The following PLD5 variants were observed in gnomAD, a reference collection of about 807,000 sequenced individuals.
The protein encoded by PLD5 is phospholipase D family member 5, also known as inactive phospholipase D5.
PLD5 carries 36 observed loss-of-function variants against 61.1 expected under a neutral mutation model. The ratio of observed to expected loss-of-function variants is 0.59; its 90% confidence interval spans 0.45 to 0.78. PLD5 has a LOEUF of 0.78. Among genes scored for constraint, PLD5 ranks in the 30% least tolerant of loss-of-function variants. The probability of loss-of-function intolerance (pLI) is 0.00; values close to 1 mark genes in which losing one functional copy is unlikely to be tolerated. For synonymous variants in PLD5, 243 were observed against 242.8 expected, an observed-to-expected ratio of 1.00 and a Z score of -0.01; for missense variants, 515 against 644.4, an observed-to-expected ratio of 0.80 and a Z score of 2.17.
intron 3 of PLD5, among the ~76,000 whole-genome samples, chr1:242,282,831 G>A (rs560329214): frequency 6.6e-6 from 1 of 152,260 alleles, no homozygotes; most frequent in Non-Finnish European, 1.5e-5. Context: ...TTTTAGGGTG[G>A]CAACTCATCA....
chr1:242,346,904 G>A (rs1660170066), intron 2 of PLD5, among the ~76,000 whole-genome samples: 1 of 152,186 alleles, frequency 6.6e-6, no homozygotes, highest in Non-Finnish European at 1.5e-5. Flanking sequence ...AGAACATGCA[G>A]TATTTGGTTT....
chr1:242,162,613 T>C (rs940390791), intron 5 of PLD5, among the ~76,000 whole-genome samples: 2 of 152,130 alleles, frequency 1.3e-5, no homozygotes, highest in African/African-American at 4.8e-5. Flanking sequence ...TCTTAGTGAT[T>C]GTCTACGCAG....
intron 1 of PLD5, among the ~76,000 whole-genome samples, chr1:242,355,161 CCT>C (rs1558491585): frequency 6.6e-6 from 1 of 152,100 alleles, no homozygotes; most frequent in East Asian, 1.9e-4. Context: ...AGTATTCTTT[CCT>C]CTGTGATTTT....
chr1:242,200,782 A>G (rs553168428), intron 5 of PLD5, among the ~76,000 whole-genome samples: 12 of 152,356 alleles, frequency 7.9e-5, no homozygotes, highest in African/African-American at 2.9e-4. Flanking sequence ...CCTGTCCTGC[A>G]TCTCACGCAG....
At position 242,089,268 on chromosome 1, in the gene PLD5, G is replaced by C. The variant is rs994788474; in HGVS notation, c.*586C>G. 1 of 398,800 alleles carries C rather than the reference G, an allele frequency of 2.5e-6. No homozygotes were observed. Among genetic ancestry groups the C allele is most frequent in the African/African-American group, 2.1e-5 (1 of 48,610 alleles). 24.7% of individuals were successfully genotyped at this position (398,800 alleles called of 1,614,324 possible). On this transcript the variant is annotated 3_prime_UTR_variant, in exon 10 of 10. Coordinates refer to ENST00000536534, the MANE Select transcript of PLD5 (RefSeq NM_001372062.1). ...ATATAATAGGAACATTTTGTGAGAA[G>C]AGAAAATGATACCAAATAAAACTTA... is the stretch of plus-strand genomic sequence containing the variant.
At chr1:242,502,673 G>A (rs549243389) in intron 1 of PLD5, among the ~76,000 whole-genome samples, 6 of 151,846 alleles carry the variant, frequency 4.0e-5, no homozygotes, top group South Asian at 2.1e-4. Flanking sequence ...GTGTATGTGC[G>A]TGTGTGTGTG....
chr1:242,512,481 C>A (rs572677437), intron 1 of PLD5, among the ~76,000 whole-genome samples: 1 of 151,766 alleles, frequency 6.6e-6, no homozygotes, highest in African/African-American at 2.4e-5. Flanking sequence ...AGTGTCTTAC[C>A]GTCTCTGATC....
At chr1:242,312,853 C>G (rs1415534416) in intron 2 of PLD5, among the ~76,000 whole-genome samples, 1 of 152,170 alleles carries the variant, frequency 6.6e-6, no homozygotes, top group Admixed American at 6.5e-5. Flanking sequence ...GTGGATTTTT[C>G]TTAGTTGGGT....
chr1:242,084,762 T>G lies in PLD5; in HGVS notation c.*5092A>C, dbSNP rs990864620. 4 of 146,530 alleles carry G rather than the reference T, an allele frequency of 2.7e-5. No individual in the cohort carries two copies. Among genetic ancestry groups the G allele is most frequent in the African/African-American group, 1.0e-4 (4 of 39,504 alleles). 9.1% of individuals were successfully genotyped at this position (146,530 alleles called of 1,614,324 possible). On this transcript the variant is annotated 3_prime_UTR_variant, in exon 10 of 10. Coordinates refer to ENST00000536534, the MANE Select transcript of PLD5 (RefSeq NM_001372062.1). ...ATTTATTGGAAAGGTTTTTTTTTTTTTTTTTTTTTTTTTTTTAGAGAAAGA... is the reference window on the plus strand; with the variant it reads ...ATTTATTGGAAAGGTTTTTTTTTTTGTTTTTTTTTTTTTTTTAGAGAAAGA...
intron 3 of PLD5, among the ~76,000 whole-genome samples, chr1:242,273,040 T>G (rs567163877): frequency 6.6e-6 from 1 of 152,290 alleles, no homozygotes; most frequent in East Asian, 1.9e-4. Flanking sequence ...AAGGCCGGCA[T>G]GCATTAGGTA....
intron 5 of PLD5, among the ~76,000 whole-genome samples, chr1:242,165,933 A>G (rs886820218): frequency 2.6e-5 from 4 of 152,122 alleles, no homozygotes; most frequent in African/African-American, 4.8e-5. Context: ...TGCATTCTCC[A>G]TCTCTGCCTG....
intron 1 of PLD5, among the ~76,000 whole-genome samples, chr1:242,426,373 A>G (rs1665427625): frequency 1.3e-5 from 2 of 152,164 alleles, no homozygotes; most frequent in Admixed American, 1.3e-4. Context: ...AATAAAAAGT[A>G]TACAGTAAAT....
intron 4 of PLD5, among the ~76,000 whole-genome samples, chr1:242,262,996 A>G (rs1235606776): frequency 2.0e-5 from 3 of 152,122 alleles, no homozygotes; most frequent in African/African-American, 4.8e-5. Flanking sequence ...TCCAAGCCAC[A>G]GTTTGAGACC....
At chr1:242,498,948 T>C (rs1267387838) in intron 1 of PLD5, among the ~76,000 whole-genome samples, 1 of 152,192 alleles carries the variant, frequency 6.6e-6, no homozygotes, top group Non-Finnish European at 1.5e-5. Flanking sequence ...TTACAGAAAA[T>C]ACTTCTGGGT....
At chr1:242,376,205 C>T (rs1427852036) in intron 1 of PLD5, among the ~76,000 whole-genome samples, 1 of 152,156 alleles carries the variant, frequency 6.6e-6, no homozygotes, top group Non-Finnish European at 1.5e-5. Flanking sequence ...GAATAGCCTT[C>T]CCCATTCCTC....
chr1:242,227,918 G>A (rs1463226496), intron 4 of PLD5, among the ~76,000 whole-genome samples: 4 of 152,134 alleles, frequency 2.6e-5, no homozygotes, highest in Admixed American at 2.6e-4. Context: ...CATCATCCCA[G>A]GATACCCATT....
chr1:242,226,009 G>A (rs1414593706), intron 4 of PLD5, among the ~76,000 whole-genome samples: 1 of 152,130 alleles, frequency 6.6e-6, no homozygotes, highest in African/African-American at 2.4e-5. Flanking sequence ...ATATCTGTTA[G>A]TCTAAGTCAT....
At chr1:242,260,885 A>G (rs891625876) in intron 4 of PLD5, among the ~76,000 whole-genome samples, 1 of 152,226 alleles carries the variant, frequency 6.6e-6, no homozygotes, top group African/African-American at 2.4e-5. Flanking sequence ...TTAAAAATAG[A>G]TGCAGCTAAA....
At chr1:242,506,533 A>T (rs1270211063) in intron 1 of PLD5, among the ~76,000 whole-genome samples, 1 of 152,180 alleles carries the variant, frequency 6.6e-6, no homozygotes, top group African/African-American at 2.4e-5. Context: ...TGCATTCTAA[A>T]TGGAAGAATA....
Sources: gnomAD v4.1 joint callset for allele counts (sites outside exome capture counted in the v4.1 genomes callset) on GRCh38, gnomAD v4.1.1 for gene constraint, MANE v1.5 for transcripts, NCBI Gene and HGNC (gene_info 2026-07-23, HGNC 2026-07-21) for gene names.